LMNB1: variants seen among roughly 807,000 people sequenced by gnomAD.
LMNB1 encodes the protein lamin B1.
In LMNB1, 23 loss-of-function variants were observed where a neutral mutation model predicts 67.1. The ratio of observed to expected loss-of-function variants is 0.34; its 90% CI spans 0.25 to 0.49. The LOEUF (loss-of-function observed/expected upper bound fraction) is 0.49, where lower values mean the gene tolerates loss of function less well. LMNB1 is among the 20% of genes least tolerant of loss of function. The pLI is 0.99. For missense variants in LMNB1, 634 were observed against 746.5 expected (o/e 0.85, Z 1.76); for synonymous variants, 281 against 282.9 (o/e 0.99, Z 0.07).
intron 1 of LMNB1, among the ~76,000 whole-genome samples, chr5:126,797,709 CAAG>C (rs1751138352): frequency 6.6e-6 from 1 of 152,142 alleles, no homozygotes; most frequent in African/African-American, 2.4e-5. Context: ...AAAATTATGA[CAAG>C]AATATGTTCA....
At position 126,787,539 on chromosome 5, in the gene LMNB1, TA is replaced by T. The variant is rs1561735739; in HGVS notation, c.359+9673del. 2.4e-3 allele frequency among the ~76,000 whole-genome samples: 157 copies of T among 66,060 alleles called. 4 individuals are homozygous for T. Among genetic ancestry groups the T allele is most frequent in the South Asian group, 7.5e-3 (14 of 1,866 alleles). The allele number at this position is 66,060 out of a possible 152,430, so 43.3% of individuals were successfully genotyped here. A position where few individuals can be genotyped will look rare whatever the true frequency, so the allele number is the denominator to read the frequency against. On this transcript the variant is annotated intron_variant, in intron 1 of 10. Transcript: ENST00000261366. Reference sequence around the variant, plus strand: ...GTGTGTGGGGGTATATATATATATATATATATATTTTTTTTTTTTTTTTTTG... The same window carrying T: ...GTGTGTGGGGGTATATATATATATATTATATATTTTTTTTTTTTTTTTTTG...
chr5:126,808,564 A>C (rs569649680), intron 3 of LMNB1, among the ~76,000 whole-genome samples: 1 of 152,088 alleles, frequency 6.6e-6, no homozygotes, highest in African/African-American at 2.4e-5. Flanking sequence ...AGTTGGGGGA[A>C]AAAAGGAAGG....
At chr5:126,783,071 C>T (rs963856133) in intron 1 of LMNB1, among the ~76,000 whole-genome samples, 2 of 151,536 alleles carry the variant, frequency 1.3e-5, no homozygotes, top group African/African-American at 2.4e-5. Flanking sequence ...TGGTGGTGCA[C>T]GCCTGTAATC....
chr5:126,816,866 T>C (rs1308551161), intron 5 of LMNB1, among the ~76,000 whole-genome samples: 1 of 152,222 alleles, frequency 6.6e-6, no homozygotes, highest in East Asian at 1.9e-4. Context: ...TGGTGGTGTT[T>C]GGTTTAAGAT....
chr5:126,829,945 A>G (rs1216556021), intron 9 of LMNB1, among the ~76,000 whole-genome samples: 1 of 152,220 alleles, frequency 6.6e-6, no homozygotes, highest in Non-Finnish European at 1.5e-5. Flanking sequence ...GGCAAAAACA[A>G]GATGTTTTTT....
chr5:126,829,027 G>T (rs987347612), intron 9 of LMNB1, among the ~76,000 whole-genome samples: 1 of 151,880 alleles, frequency 6.6e-6, no homozygotes, highest in Non-Finnish European at 1.5e-5. Context: ...GACCATATTT[G>T]TCAGTAGGGA....
At chr5:126,803,832 T>C (rs758074214) in intron 1 of LMNB1, among the ~76,000 whole-genome samples, 41 of 152,360 alleles carry the variant, frequency 2.7e-4, no homozygotes, top group Non-Finnish European at 4.6e-4. Flanking sequence ...ATTACAGGCA[T>C]GAGCCACCGT....
At chr5:126,821,480 T>TG (rs1191746838) in intron 7 of LMNB1, among the ~76,000 whole-genome samples, 1 of 152,072 alleles carries the variant, frequency 6.6e-6, no homozygotes, top group Non-Finnish European at 1.5e-5. Flanking sequence ...TGGATGAAAA[T>TG]GGTGGATATT....
At chr5:126,820,831 G>GTT in intron 6 of LMNB1, 79 bp from the exon 7 acceptor site, 2 of 1,099,040 alleles carry the variant, frequency 1.8e-6, no homozygotes, top group South Asian at 1.4e-5. Context: ...CCCAGCCCTT[G>GTT]TTTTTTTGTT....
intron 9 of LMNB1, among the ~76,000 whole-genome samples, chr5:126,832,125 G>A (rs746046214): frequency 7.2e-5 from 11 of 152,024 alleles, no homozygotes; most frequent in East Asian, 1.9e-4. Context: ...AAAATTAGCC[G>A]CACGTGGTGG....
chr5:126,803,150 C>T (rs559188110), intron 1 of LMNB1, among the ~76,000 whole-genome samples: 1 of 149,100 alleles, frequency 6.7e-6, no homozygotes, highest in African/African-American at 2.5e-5. Context: ...CGCCCCACTG[C>T]GCTCCAGCCT....
At chr5:126,778,278 G>T (rs1024408791) in intron 1 of LMNB1, among the ~76,000 whole-genome samples, 1 of 152,094 alleles carries the variant, frequency 6.6e-6, no homozygotes, top group African/African-American at 2.4e-5. Flanking sequence ...TCCGGCCGGC[G>T]CGAGACAAAG....
intron 1 of LMNB1, among the ~76,000 whole-genome samples, chr5:126,783,299 G>A (rs139056434): frequency 1.4e-4 from 22 of 151,900 alleles, no homozygotes; most frequent in African/African-American, 5.3e-4. Context: ...TGCCCTATTT[G>A]AAGCAGATTG....
At chr5:126,782,914 A>G (rs933343220) in intron 1 of LMNB1, among the ~76,000 whole-genome samples, 1 of 151,140 alleles carries the variant, frequency 6.6e-6, no homozygotes, top group Non-Finnish European at 1.5e-5. Context: ...AAAAACAAAA[A>G]CCTTTGGCTG....
intron 1 of LMNB1, among the ~76,000 whole-genome samples, chr5:126,792,595 A>G (rs769908900): frequency 8.8e-4 from 61 of 69,202 alleles, no homozygotes; most frequent in Admixed American, 1.2e-3. Context: ...TTTTTTTTTG[A>G]GATAGAGTTT....
At chr5:126,819,459 A>AT (rs1554114882) in intron 6 of LMNB1, among the ~76,000 whole-genome samples, 1 of 142,806 alleles carries the variant, frequency 7.0e-6, no homozygotes, top group Admixed American at 7.0e-5. Context: ...GACTTTACAT[A>AT]TTATTTATTT....
intron 1 of LMNB1, among the ~76,000 whole-genome samples, chr5:126,778,556 G>A (rs1750541672): frequency 6.6e-6 from 1 of 152,214 alleles, no homozygotes; most frequent in South Asian, 2.1e-4. Context: ...AGGTTTGCTA[G>A]CTGGTTAGCT....
At position 126,820,953 on chromosome 5, in the gene LMNB1, C is replaced by T; in HGVS notation, c.1204C>T (p.Arg402Ter). Residue 402 changes from arginine (R) to a stop codon, truncating the protein, a stop_gained, in exon 7 of 11, where the codon CGA (arginine) becomes TGA (stop). Coordinates refer to ENST00000261366, the MANE Select transcript of LMNB1 (RefSeq NM_005573.4). LOFTEE classifies it high-confidence loss of function. ...PSPSSRVTVS[R>*]ASSSRSVRTT... ...CCCTTCTTCCCGTGTGACAGTATCC[C>T]GAGCATCCTCAAGTCGTAGTGTACG... 1 of 1,613,976 alleles carries T rather than the reference C, an allele frequency of 6.2e-7. No individual in the cohort carries two copies. The highest frequency in any genetic ancestry group is 8.5e-7 in the Non-Finnish European group (1 of 1,179,980).
intron 1 of LMNB1, among the ~76,000 whole-genome samples, chr5:126,799,103 C>T (rs1007414978): frequency 5.9e-5 from 9 of 151,592 alleles, no homozygotes; most frequent in African/African-American, 1.9e-4. Flanking sequence ...CTGCAGGCTC[C>T]GCCCCCTGGG....
Sources: allele counts gnomAD v4.1 joint callset (sites outside exome capture counted in the v4.1 genomes callset), GRCh38; gene constraint gnomAD v4.1.1; transcripts MANE v1.5; gene names NCBI Gene and HGNC (gene_info 2026-07-23, HGNC 2026-07-21).